Variants in NAV1 observed in about 807,000 individuals in gnomAD.
NAV1 encodes the protein neuron navigator 1.
A neutral mutation model predicts 175.2 loss-of-function variants in NAV1; 18 were observed. The ratio of observed to expected loss-of-function variants is 0.10; its 90% CI spans 0.07 to 0.15. The LOEUF is 0.15. Ranked by LOEUF, NAV1 falls within the 10% of genes least tolerant of loss-of-function variation. The pLI is 1.00. For synonymous variants in NAV1, 897 were observed against 978.7 expected, an observed-to-expected ratio of 0.92 and a Z score of 1.56; for missense variants, 1,731 against 2,436.6, an observed-to-expected ratio of 0.71 and a Z score of 6.10.
At chr1:201,554,760 C>T (rs1051464722) in intron 1 of NAV1, among the ~76,000 whole-genome samples, 1 of 152,146 alleles carries the variant, frequency 6.6e-6, no homozygotes, top group African/African-American at 2.4e-5. Context: ...ATCAAATGAT[C>T]AGTTTGCTAG....
At chr1:201,621,910 C>T (rs181008846), upstream of NAV1, among the ~76,000 whole-genome samples, 48 of 152,094 alleles carry the variant, frequency 3.2e-4, no homozygotes, top group Non-Finnish European at 6.3e-4. Context: ...CTTTAAATTC[C>T]CTTTGAAATG....
In NAV1 at chr1:201,740,073, G is replaced by A; in HGVS notation, c.1226+21318G>A. 2.7e-6 allele frequency: 4 copies of A among 1,473,104 alleles called. No homozygotes were observed. Among genetic ancestry groups the A allele is most frequent in the Non-Finnish European group, 2.7e-6 (3 of 1,109,858 alleles). The allele number at this position is 1,473,104 out of a possible 1,614,324, so 91.3% of individuals were successfully genotyped here. Reference sequence around the variant, plus strand: ...TCCGGAAGAACGGTGAATTTCCCCCGCAGGTAAGCGCCCCCACCCCCCTGG... The same window carrying A: ...TCCGGAAGAACGGTGAATTTCCCCCACAGGTAAGCGCCCCCACCCCCCTGG... On this transcript the variant is annotated intron_variant, in intron 3 of 29. Coordinates refer to ENST00000367296, the Ensembl canonical transcript of NAV1. This position sits in a 1 kb window ranked among gnomAD's most constrained non-coding sequence, Gnocchi z 4.7.
chr1:201,740,613 G>C lies in NAV1; in HGVS notation c.1226+21858G>C, dbSNP rs1354574963. Reference sequence around the variant, plus strand: ...GGAGGCGGAAGGATGAAACGGGGGAGGGAGGGGACGTTGAATTTGTGACCG... The same window carrying C: ...GGAGGCGGAAGGATGAAACGGGGGACGGAGGGGACGTTGAATTTGTGACCG... On this transcript the variant is annotated intron_variant, in intron 3 of 29. Transcript: ENST00000367296. The surrounding 1 kb of genome is among the most constrained non-coding windows in gnomAD (Gnocchi z 4.7). Among the ~76,000 whole-genome samples, 3 of 152,170 alleles carry C rather than the reference G, an allele frequency of 2.0e-5. No homozygotes were observed.
intron 2 of NAV1, among the ~76,000 whole-genome samples, chr1:201,602,012 C>T (rs569186221): frequency 1.4e-4 from 22 of 152,148 alleles, no homozygotes; most frequent in African/African-American, 3.6e-4. Context: ...GGATGGGTTC[C>T]GCAGGTATAT....
rs1249385877 is a variant in NAV1 at position 201,782,600 on chromosome 1, C to T, written c.2088C>T (p.Ser696=). The change falls in exon 6 of 30, where the codon AGC becomes AGT. Residue 696 remains serine, a synonymous_variant. Transcript: ENST00000367296. The surrounding 1 kb of genome is among the most constrained non-coding windows in gnomAD (Gnocchi z 5.4). ...GGGGTGGACCTCGCCCTGTGAGCAG[C>T]AGCATTGACCCCAGTCTCCTCAGCA... The T allele has an allele frequency of 1.2e-6, 2 of 1,613,690 alleles. No individual in the cohort carries two copies. Among genetic ancestry groups the T allele is most frequent in the African/African-American group, 2.7e-5 (2 of 74,896 alleles).
At chr1:201,667,491 G>A (rs1188734336) in intron 1 of NAV1, among the ~76,000 whole-genome samples, 1 of 152,148 alleles carries the variant, frequency 6.6e-6, no homozygotes, top group African/African-American at 2.4e-5. Context: ...ATTTGCCCAA[G>A]TCCACCCAGC....
intron 1 of NAV1, among the ~76,000 whole-genome samples, chr1:201,691,258 G>A (rs1309553747): frequency 6.6e-6 from 1 of 152,176 alleles, no homozygotes; most frequent in African/African-American, 2.4e-5. Context: ...GTCCCCTGAG[G>A]GGCAACATCT....
chr1:201,547,473 TTC>T (rs960657002), intron 1 of NAV1, among the ~76,000 whole-genome samples: 8 of 152,246 alleles, frequency 5.3e-5, no homozygotes, highest in African/African-American at 1.9e-4. Context: ...AATTGGAATT[TTC>T]TCTCTCAGCA....
At chr1:201,644,220 A>T (rs147753113), upstream of NAV1, among the ~76,000 whole-genome samples, 1 of 152,160 alleles carries the variant, frequency 6.6e-6, no homozygotes, top group Non-Finnish European at 1.5e-5. Flanking sequence ...TCAGAGGACA[A>T]TTTGAAGCCT....
At chr1:201,582,863 A>G (rs912206394) in intron 1 of NAV1, among the ~76,000 whole-genome samples, 55 of 152,314 alleles carry the variant, frequency 3.6e-4, no homozygotes, top group African/African-American at 1.3e-3. Flanking sequence ...CAGGTCTATT[A>G]CACCCTTCAA....
At chr1:201,659,015 T>C (rs559554167) in intron 1 of NAV1, among the ~76,000 whole-genome samples, 14 of 152,328 alleles carry the variant, frequency 9.2e-5, no homozygotes, top group Admixed American at 3.3e-4. Flanking sequence ...TAGGCCCTAC[T>C]GTGTGAGGTG....
At chr1:201,617,206 GTCTCTCTCTCTCTCTC>G (rs3054501) in intron 2 of NAV1, among the ~76,000 whole-genome samples, 2 of 138,134 alleles carry the variant, frequency 1.4e-5, no homozygotes, top group African/African-American at 2.5e-5. Context: ...CAATCTCTCT[GTCTCTCTCTCTCTCTC>G]TCTCTCTCTC....
intron 2 of NAV1, among the ~76,000 whole-genome samples, chr1:201,638,447 G>C (rs1021714509): frequency 6.6e-6 from 1 of 152,152 alleles, no homozygotes; most frequent in African/African-American, 2.4e-5. Context: ...AGATGTCTGG[G>C]TTACAGGAGC....
chr1:201,572,660 G>A (rs560042146), intron 1 of NAV1, among the ~76,000 whole-genome samples: 16 of 152,096 alleles, frequency 1.1e-4, no homozygotes, highest in African/African-American at 3.4e-4. Context: ...GAGCCACCGC[G>A]CCTGGCCAGA....
At chr1:201,809,867 TC>T (rs1678579962) in intron 22 of NAV1, 78 bp from the exon 27 acceptor site, 3 of 1,350,258 alleles carry the variant, frequency 2.2e-6, no homozygotes, top group Admixed American at 3.8e-5. Context: ...TTCTGTTTCC[TC>T]TGATAGACAT....
At chr1:201,635,510 A>G (rs1156797552) in intron 2 of NAV1, among the ~76,000 whole-genome samples, 4 of 152,318 alleles carry the variant, frequency 2.6e-5, no homozygotes, top group Non-Finnish European at 4.4e-5. Context: ...CGTGATCTAC[A>G]TGGTGGCCCT....
intron 1 of NAV1, among the ~76,000 whole-genome samples, chr1:201,540,600 A>G (rs1665485181): frequency 1.3e-5 from 2 of 152,192 alleles, no homozygotes; most frequent in Admixed American, 1.3e-4. Context: ...CCAGAGATAT[A>G]TATGATTCCA....
At chr1:201,656,596 G>A (rs533807266) in intron 1 of NAV1, among the ~76,000 whole-genome samples, 2 of 152,202 alleles carry the variant, frequency 1.3e-5, no homozygotes. Context: ...AGGTTGTATG[G>A]CACATGGCAC....
chr1:201,592,920 T>C (rs1667242492), intron 2 of NAV1, among the ~76,000 whole-genome samples: 1 of 152,074 alleles, frequency 6.6e-6, no homozygotes, highest in South Asian at 2.1e-4. Context: ...TCTCAGATAC[T>C]ACCATTCTCA....
Sources: allele counts gnomAD v4.1 joint callset (sites outside exome capture counted in the v4.1 genomes callset), GRCh38; gene constraint gnomAD v4.1.1; non-coding constraint Gnocchi (gnomAD v3.1); transcripts MANE v1.5; gene names NCBI Gene and HGNC (gene_info 2026-07-23, HGNC 2026-07-21).